FAT3: variants seen among roughly 807,000 people sequenced by gnomAD.
The protein encoded by FAT3 is protocadherin Fat 3.
FAT3 carries 95 observed loss-of-function variants against 310.2 expected under a neutral mutation model. The observed-to-expected ratio is 0.31, with a 90% CI of 0.26 to 0.36. The LOEUF (loss-of-function observed/expected upper bound fraction) is 0.36. Among genes scored for constraint, FAT3 ranks in the 10% least tolerant of loss-of-function variants. FAT3 has a pLI of 1.00. For missense variants in FAT3, 5,408 were observed against 5,715.6 expected, an observed-to-expected ratio of 0.95 and a Z score of 1.74; for synonymous variants, 2,314 against 2,192.9, an observed-to-expected ratio of 1.06 and a Z score of -1.54.
Position 92,353,338 on chromosome 11 carries a change from A to G in FAT3, c.1226A>G (p.Tyr409Cys). ...AGTCCTGAACCGATAGATGTGGAATACAAATTATCTCCTGGTGAGGATGCA... is the reference window on the plus strand; with the variant it reads ...AGTCCTGAACCGATAGATGTGGAATGCAAATTATCTCCTGGTGAGGATGCA... ...KLSPEPIDVEYKLSPGEDAVY... is the reference protein window; with the variant it reads ...KLSPEPIDVECKLSPGEDAVY... The change falls in exon 2 of 28, where the codon TAC becomes TGC. Residue 409 changes from tyrosine (Y) to cysteine (C), a missense_variant. Around this residue, in one of 5 missense-constraint regions of FAT3, gnomAD observed 4,588 missense variants for 4,809.8 expected, o/e 0.95. Transcript: ENST00000525166. 1.2e-6 allele frequency: 2 copies of G among 1,613,640 alleles called. No individual in the cohort carries two copies. The highest frequency in any genetic ancestry group is 1.7e-6 in the Non-Finnish European group (2 of 1,179,808).
chr11:92,739,710 C>T (rs909866089), intron 4 of FAT3, among the ~76,000 whole-genome samples: 1 of 152,168 alleles, frequency 6.6e-6, no homozygotes, highest in Non-Finnish European at 1.5e-5. Flanking sequence ...GAGCAAATAA[C>T]CTTCCGTGAG....
chr11:92,280,822 T>G (rs1946399915), intron 1 of FAT3, among the ~76,000 whole-genome samples: 1 of 152,208 alleles, frequency 6.6e-6, no homozygotes, highest in South Asian at 2.1e-4. Context: ...CTTATCATGC[T>G]GTTTCATGAG....
intron 2 of FAT3, among the ~76,000 whole-genome samples, chr11:92,437,607 G>A (rs951035644): frequency 8.5e-5 from 13 of 152,138 alleles, no homozygotes; most frequent in South Asian, 2.1e-4. Context: ...TCCACTCTGA[G>A]CTAGGCTTCA....
chr11:92,868,252 A>ATGTT, intron 22 of FAT3, among the ~76,000 whole-genome samples: 1 of 152,212 alleles, frequency 6.6e-6, no homozygotes, highest in East Asian at 1.9e-4. Flanking sequence ...TATTATTAGA[A>ATGTT]TGTTATAAAC....
At chr11:92,838,685 C>T (rs894377630) in intron 17 of FAT3, among the ~76,000 whole-genome samples, 2 of 152,186 alleles carry the variant, frequency 1.3e-5, no homozygotes, top group African/African-American at 4.8e-5. Context: ...AAAGGAGTCC[C>T]AGGGCTTTGT....
At chr11:92,320,490 T>C (rs1947586503) in intron 1 of FAT3, among the ~76,000 whole-genome samples, 1 of 152,136 alleles carries the variant, frequency 6.6e-6, no homozygotes, top group African/African-American at 2.4e-5. Context: ...AGTTAATGTA[T>C]ATTTTGTGTG....
intron 10 of FAT3, among the ~76,000 whole-genome samples, chr11:92,802,710 C>G (rs1426077115): frequency 6.6e-6 from 1 of 152,122 alleles, no homozygotes; most frequent in African/African-American, 2.4e-5. Context: ...TCGTCACATT[C>G]AAAGGCAGAA....
At chr11:92,821,630 C>T (rs1947969903) in intron 13 of FAT3, among the ~76,000 whole-genome samples, 1 of 152,180 alleles carries the variant, frequency 6.6e-6, no homozygotes, top group African/African-American at 2.4e-5. Flanking sequence ...AAAATATCAT[C>T]TTCTGTTTTA....
Position 92,354,233 on chromosome 11 carries a change from T to A in FAT3, c.2121T>A (p.Asn707Lys), listed in dbSNP as rs1040386421. Residue 707 changes from asparagine (N) to lysine (K), a missense_variant, in exon 2 of 28, where the codon AAT (asparagine) becomes AAA (lysine). Physicochemically the swap from Asn to Lys is moderately conservative, Grantham distance 94. Around this residue, in one of 5 missense-constraint regions of FAT3, gnomAD observed 4,588 missense variants for 4,809.8 expected, o/e 0.95. Coordinates refer to ENST00000525166, the MANE Select transcript of FAT3 (RefSeq NM_001367949.2). ...LIKAKANGKL[N>K]LEDGFLDFYS... ...AGGCAAAAGCAAATGGGAAACTGAA[T>A]CTGGAAGATGGATTTCTTGACTTTT... is the stretch of plus-strand genomic sequence containing the variant. 6.2e-7 allele frequency: 1 copy of A among 1,613,608 alleles called. No homozygotes were observed. The highest frequency in any genetic ancestry group is 1.3e-5 in the African/African-American group (1 of 74,912).
At chr11:92,815,323 C>T (rs1021339169) in intron 13 of FAT3, among the ~76,000 whole-genome samples, 9 of 151,900 alleles carry the variant, frequency 5.9e-5, no homozygotes, top group Non-Finnish European at 1.0e-4. Context: ...ACCTGTAATC[C>T]CAGCACTTTG....
intron 1 of FAT3, among the ~76,000 whole-genome samples, chr11:92,251,685 G>T (rs1396514601): frequency 6.6e-6 from 1 of 151,264 alleles, no homozygotes; most frequent in African/African-American, 2.4e-5. Flanking sequence ...AATTATGAAT[G>T]ACTTTTGTAT....
chr11:92,656,026 G>A (rs1942569834), intron 3 of FAT3, among the ~76,000 whole-genome samples: 1 of 152,126 alleles, frequency 6.6e-6, no homozygotes, highest in Non-Finnish European at 1.5e-5. Context: ...AGAGGGATGG[G>A]GCTGTGAGAT....
intron 4 of FAT3, among the ~76,000 whole-genome samples, chr11:92,704,112 C>T (rs999864816): frequency 3.3e-5 from 5 of 152,174 alleles, no homozygotes; most frequent in Middle Eastern, 3.2e-3. Flanking sequence ...TTCTCGCTCT[C>T]ATTTTGTAAT....
intron 2 of FAT3, among the ~76,000 whole-genome samples, chr11:92,521,080 G>T (rs1257713277): frequency 6.6e-6 from 1 of 152,080 alleles, no homozygotes; most frequent in African/African-American, 2.4e-5. Flanking sequence ...AAATAATTTA[G>T]TGACTTCCAG....
Position 92,353,490 on chromosome 11 carries a change from A to G in FAT3, c.1378A>G (p.Ile460Val), listed in dbSNP as rs766956313. The stretch of plus-strand genomic sequence containing the variant: ...AGGAGATTTAAAAGCACAGGTCACC[A>G]TCAGCATAGAAGATGCAAATGACCA... ...KEGDLKAQVT[I>V]SIEDANDHTP... is the part of the protein sequence containing the mutation. The change falls in exon 2 of 28, where the codon ATC (isoleucine) becomes GTC (valine). Residue 460 changes from isoleucine to valine, a missense_variant. Ile to Val is a conservative substitution (Grantham distance 29). Around this residue, in one of 5 missense-constraint regions of FAT3, gnomAD observed 4,588 missense variants for 4,809.8 expected, o/e 0.95. Coordinates refer to ENST00000525166, the MANE Select transcript of FAT3 (RefSeq NM_001367949.2). 5 of 1,613,516 alleles carry G rather than the reference A, an allele frequency of 3.1e-6. No individual in the cohort carries two copies. Among genetic ancestry groups the G allele is most frequent in the Non-Finnish European group, 3.4e-6 (4 of 1,179,702 alleles).
intron 1 of FAT3, among the ~76,000 whole-genome samples, chr11:92,234,681 A>G (rs1324089581): frequency 1.3e-5 from 2 of 152,108 alleles, no homozygotes; most frequent in African/African-American, 2.4e-5. Flanking sequence ...AGACCAGTGG[A>G]TCACAAGGTC....
intron 4 of FAT3, among the ~76,000 whole-genome samples, chr11:92,742,430 G>A (rs1945533442): frequency 6.6e-6 from 1 of 152,200 alleles, no homozygotes; most frequent in African/African-American, 2.4e-5. Context: ...TGAATTCCCT[G>A]AAGGAAAGAA....
chr11:92,352,234 T>A lies in FAT3; in HGVS notation c.122T>A (p.Phe41Tyr). Reference protein sequence around the residue: ...QGLPGTGPLGFHFTHSIYNAT... With the variant: ...QGLPGTGPLGYHFTHSIYNAT... The stretch of plus-strand genomic sequence containing the variant: ...CTGCCAGGGACTGGACCCCTGGGCT[T>A]CCACTTCACACATTCCATTTATAAT... Residue 41 changes from phenylalanine (F) to tyrosine (Y), a missense_variant, in exon 2 of 28, where the codon TTC becomes TAC. Physicochemically the swap from Phe to Tyr is conservative, Grantham distance 22. Coordinates refer to ENST00000525166, the MANE Select transcript of FAT3 (RefSeq NM_001367949.2). The A allele has an allele frequency of 7.2e-7, 1 of 1,391,994 alleles. No individual in the cohort carries two copies. The highest frequency in any genetic ancestry group is 9.6e-7 in the Non-Finnish European group (1 of 1,038,688). 86.2% of individuals were successfully genotyped at this position (1,391,994 alleles called of 1,614,324 possible).
rs1168151993 is a variant in FAT3, at chr11:92,537,218, C to T, written c.3607+12270C>T. On this transcript the variant is annotated intron_variant, in intron 3 of 27. Coordinates refer to ENST00000525166, the MANE Select transcript of FAT3 (RefSeq NM_001367949.2). ...TTGAGGGCCCTGAGACCGTCTCTATCTCTGACAGTCTTTGAGTCTATATAT... is the reference window on the plus strand; with the variant it reads ...TTGAGGGCCCTGAGACCGTCTCTATTTCTGACAGTCTTTGAGTCTATATAT... 2.0e-5 allele frequency among the ~76,000 whole-genome samples: 3 copies of T among 152,088 alleles called. No individual in the cohort carries two copies. In the East Asian group the frequency reaches 5.8e-4, roughly 29 times the overall value.
Sources: allele counts gnomAD v4.1 joint callset (sites outside exome capture counted in the v4.1 genomes callset), GRCh38; gene constraint gnomAD v4.1.1; regional missense constraint gnomAD v4.1.1; transcripts MANE v1.5; gene names NCBI Gene and HGNC (gene_info 2026-07-23, HGNC 2026-07-21).